Variants in FOXP2 observed in about 807,000 individuals in gnomAD.
FOXP2 encodes the protein forkhead box protein P2.
In FOXP2, 12 loss-of-function variants were observed where a neutral mutation model predicts 115.8. The observed-to-expected ratio is 0.10, with a 90% CI of 0.07 to 0.17. The LOEUF (loss-of-function observed/expected upper bound fraction) is 0.17, where lower values mean the gene tolerates loss of function less well. Ranked by LOEUF, FOXP2 falls within the 10% of genes least tolerant of loss-of-function variation. The pLI, the probability that FOXP2 is intolerant of heterozygous loss-of-function variation, is 1.00. For missense variants in FOXP2, 629 were observed against 843.5 expected (o/e 0.75, Z 3.15); for synonymous variants, 328 against 297.7 (o/e 1.10, Z -1.05).
intron 1 of FOXP2, among the ~76,000 whole-genome samples, chr7:114,143,595 A>G (rs1275750184): frequency 6.6e-6 from 1 of 152,138 alleles, no homozygotes. Context: ...TCATTTTAAC[A>G]TATACTTCCA....
intron 16 of FOXP2, among the ~76,000 whole-genome samples, chr7:114,683,273 T>G (rs554934030): frequency 4.9e-4 from 74 of 152,364 alleles, no homozygotes; most frequent in Non-Finnish European, 7.6e-4. Flanking sequence ...TAATGTCTCC[T>G]AATCTGTGAA....
Position 114,400,957 on chromosome 7 carries a change from G to C in FOXP2, c.-10-25545G>C, listed in dbSNP as rs929456739. On this transcript the variant is annotated intron_variant, in intron 2 of 17. Coordinates refer to the FOXP2 transcript ENST00000634411. ...ATCAAGGCTCAGGGTGGGGGTCAGT[G>C]GGTGAAAAATTATTAAGAGGAAATA... Among the ~76,000 whole-genome samples, 5 of 152,000 alleles carry C rather than the reference G, an allele frequency of 3.3e-5. No homozygotes were observed. In the East Asian group the frequency reaches 7.7e-4, roughly 23 times the overall value.
At chr7:114,177,059 A>G (rs1438976193) in intron 1 of FOXP2, among the ~76,000 whole-genome samples, 1 of 152,152 alleles carries the variant, frequency 6.6e-6, no homozygotes, top group Non-Finnish European at 1.5e-5. Context: ...CCATAATCAC[A>G]TGAATATGCC....
chr7:114,616,152 GTT>G (rs1269924268), intron 3 of FOXP2, among the ~76,000 whole-genome samples: 1 of 150,434 alleles, frequency 6.6e-6, no homozygotes, highest in African/African-American at 2.5e-5. Flanking sequence ...GTTGTTTTAT[GTT>G]TTTTGTTGTC....
chr7:114,159,504 A>T (rs1248336060), upstream of FOXP2, among the ~76,000 whole-genome samples: 1 of 151,812 alleles, frequency 6.6e-6, no homozygotes, highest in Non-Finnish European at 1.5e-5. Flanking sequence ...ATGAAAAAGA[A>T]AAAAACAGTA....
At chr7:114,553,606 A>G (rs1182839406) in intron 3 of FOXP2, among the ~76,000 whole-genome samples, 1 of 152,166 alleles carries the variant, frequency 6.6e-6, no homozygotes, top group Non-Finnish European at 1.5e-5. Flanking sequence ...GACAGATTAC[A>G]TCTTATATTC....
intron 2 of FOXP2, among the ~76,000 whole-genome samples, chr7:114,334,579 AG>A (rs893199721): frequency 2.9e-4 from 44 of 151,716 alleles, no homozygotes; most frequent in Admixed American, 1.3e-3. Context: ...TGTGGTACAT[AG>A]TTCTCAAGTT....
intron 4 of FOXP2, 45 bp downstream of exon 4, chr7:114,628,722 G>A: frequency 1.2e-6 from 2 of 1,612,964 alleles, no homozygotes; most frequent in South Asian, 1.1e-5. Context: ...GACTTAGAAG[G>A]TGTGCACTTA....
intron 3 of FOXP2, among the ~76,000 whole-genome samples, chr7:114,581,497 A>C (rs906462935): frequency 6.6e-6 from 1 of 152,130 alleles, no homozygotes; most frequent in Non-Finnish European, 1.5e-5. Flanking sequence ...GGTTCACAGC[A>C]AAACTGAGAG....
At chr7:114,233,474 T>C (rs1248923210) in intron 1 of FOXP2, among the ~76,000 whole-genome samples, 2 of 152,188 alleles carry the variant, frequency 1.3e-5, no homozygotes, top group East Asian at 3.9e-4. Flanking sequence ...AAGTTTGACA[T>C]CATTGATCAA....
At chr7:114,239,015 A>G (rs1795084412) in intron 1 of FOXP2, among the ~76,000 whole-genome samples, 1 of 149,980 alleles carries the variant, frequency 6.7e-6, no homozygotes, top group Non-Finnish European at 1.5e-5. Context: ...AGCATTCTTT[A>G]GAAACAGCAT....
At chr7:114,581,578 G>A (rs60196747) in intron 3 of FOXP2, among the ~76,000 whole-genome samples, 25,321 of 151,946 alleles carry the variant, frequency 0.17, 2,462 homozygotes, top group African/African-American at 0.26. Context: ...AACCAGAGTG[G>A]TATATTTTTA....
chr7:114,528,981 T>C (rs1004387638), intron 2 of FOXP2, among the ~76,000 whole-genome samples: 2 of 151,964 alleles, frequency 1.3e-5, no homozygotes, highest in Admixed American at 1.3e-4. Flanking sequence ...TCTTTACCTT[T>C]CATTCCTTAG....
intron 2 of FOXP2, among the ~76,000 whole-genome samples, chr7:114,328,104 G>A (rs2129182415): frequency 6.6e-6 from 1 of 150,808 alleles, no homozygotes; most frequent in South Asian, 2.1e-4. Flanking sequence ...TTTTCTTGTA[G>A]AGATGGGGTT....
At chr7:114,208,222 G>A (rs1794249931) in intron 1 of FOXP2, among the ~76,000 whole-genome samples, 1 of 152,202 alleles carries the variant, frequency 6.6e-6, no homozygotes, top group South Asian at 2.1e-4. Flanking sequence ...TCATCAGTAT[G>A]ACCTGGATGT....
At chr7:114,593,597 C>T (rs1802547298) in intron 3 of FOXP2, among the ~76,000 whole-genome samples, 1 of 152,080 alleles carries the variant, frequency 6.6e-6, no homozygotes, top group South Asian at 2.1e-4. Context: ...ATTTGTATGT[C>T]TCTATGCAAG....
rs1554426475 is a variant in FOXP2, at chr7:114,176,298, T to TCTC, written c.-102+13210_-102+13211insCTC. ...TTTCTTTCTTTCTTTCTTTCTTTCT[T>TCTC]TCTCTCTCTCTCTCTCTCTCTCTTT... On this transcript the variant is annotated intron_variant, in intron 1 of 17. Transcript: ENST00000634411. 2.7e-3 allele frequency among the ~76,000 whole-genome samples: 203 copies of TCTC among 76,560 alleles called. 1 individual carries two copies. Among genetic ancestry groups the TCTC allele is most frequent in the Non-Finnish European group, 3.0e-3 (119 of 39,216 alleles). 50.2% of individuals were successfully genotyped at this position (76,560 alleles called of 152,430 possible).
At chr7:114,281,415 A>G (rs897377428) in intron 1 of FOXP2, among the ~76,000 whole-genome samples, 8 of 152,064 alleles carry the variant, frequency 5.3e-5, no homozygotes, top group African/African-American at 1.7e-4. Flanking sequence ...ATTTGATTTT[A>G]AAGTATTTTT....
At chr7:114,519,683 G>A (rs1294845897) in intron 2 of FOXP2, among the ~76,000 whole-genome samples, 6 of 152,042 alleles carry the variant, frequency 3.9e-5, no homozygotes, top group African/African-American at 1.4e-4. Flanking sequence ...TTCTTAAATA[G>A]GTCATTCTGC....
Sources: gnomAD v4.1 joint callset for allele counts (sites outside exome capture counted in the v4.1 genomes callset) on GRCh38, gnomAD v4.1.1 for gene constraint, MANE v1.5 for transcripts, NCBI Gene and HGNC (gene_info 2026-07-23, HGNC 2026-07-21) for gene names.